The following NUP93 variants were observed in gnomAD, a reference collection of about 807,000 sequenced individuals.
The protein encoded by NUP93 is nuclear pore complex protein Nup93.
Under a neutral mutation model 107.8 loss-of-function variants are expected in NUP93, and 55 were observed. The ratio of observed to expected loss-of-function variants is 0.51; its 90% CI spans 0.41 to 0.64. The LOEUF is 0.64. NUP93 is among the 30% of genes least tolerant of loss of function. The pLI, the probability that NUP93 is intolerant of heterozygous loss-of-function variation, is 0.00. For missense variants in NUP93, 937 were observed against 1,044.7 expected (o/e 0.90, Z 1.42); for synonymous variants, 390 against 397.5 (o/e 0.98, Z 0.22).
intron 5 of NUP93, among the ~76,000 whole-genome samples, chr16:56,817,990 A>G (rs530879983): frequency 6.6e-6 from 1 of 152,258 alleles, no homozygotes; most frequent in South Asian, 2.1e-4. Context: ...ATATGACTGT[A>G]TTTTTATTGC....
chr16:56,834,211 T>C lies in NUP93; in HGVS notation c.1621T>C (p.Ser541Pro). 6.2e-7 allele frequency: 1 copy of C among 1,614,154 alleles called. No homozygotes were observed. The highest frequency in any genetic ancestry group is 8.5e-7 in the Non-Finnish European group (1 of 1,180,026). ...CATGCTGTACACCCGGAAGTTTGAGTCCACGGACCCAAGGGAGGCCCTCCA... is the reference window on the plus strand; with the variant it reads ...CATGCTGTACACCCGGAAGTTTGAGCCCACGGACCCAAGGGAGGCCCTCCA... The part of the protein sequence containing the change: ...LLMLYTRKFE[S>P]TDPREALQYF... The change falls in exon 14 of 22, where the codon TCC (serine) becomes CCC (proline). Residue 541 changes from serine (S) to proline (P), a missense_variant. By Grantham distance (74) the Ser-to-Pro change is moderately conservative (BLOSUM62 -1). Transcript: ENST00000308159.
intron 4 of NUP93, among the ~76,000 whole-genome samples, chr16:56,799,052 G>C (rs1477222066): frequency 2.0e-5 from 3 of 152,104 alleles, no homozygotes; most frequent in Non-Finnish European, 2.9e-5. Flanking sequence ...AAATGCATCT[G>C]AGACACTGGA....
At chr16:56,775,777 G>A (rs954898243) in intron 3 of NUP93, among the ~76,000 whole-genome samples, 4 of 152,156 alleles carry the variant, frequency 2.6e-5, no homozygotes, top group East Asian at 3.8e-4. Flanking sequence ...CAGGTATAGC[G>A]ATGAAAGCCC....
intron 4 of NUP93, among the ~76,000 whole-genome samples, chr16:56,801,992 T>C (rs34094607): frequency 6.6e-6 from 1 of 152,304 alleles, no homozygotes; most frequent in South Asian, 2.1e-4. Context: ...TTTTCTTTAA[T>C]TGCCTTTGCT....
intron 2 of NUP93, among the ~76,000 whole-genome samples, chr16:56,750,306 T>C (rs1961895347): frequency 6.6e-6 from 1 of 152,172 alleles, no homozygotes; most frequent in Non-Finnish European, 1.5e-5. Flanking sequence ...ATCTTCTTGA[T>C]AGGCAGAGAC....
At chr16:56,756,729 CA>C (rs1962031020) in intron 2 of NUP93, among the ~76,000 whole-genome samples, 1 of 152,190 alleles carries the variant, frequency 6.6e-6, no homozygotes, top group Non-Finnish European at 1.5e-5. Context: ...CTGTCTTCCA[CA>C]GTGGTTGAAT....
At chr16:56,733,066 G>A (rs145731697) in intron 1 of NUP93, among the ~76,000 whole-genome samples, 3 of 152,300 alleles carry the variant, frequency 2.0e-5, no homozygotes, top group Admixed American at 6.5e-5. Context: ...AGATAGGGTT[G>A]GGGATGTGTT....
At chr16:56,809,065 T>C (rs1164321449) in intron 5 of NUP93, among the ~76,000 whole-genome samples, 1 of 152,136 alleles carries the variant, frequency 6.6e-6, no homozygotes, top group Non-Finnish European at 1.5e-5. Context: ...CTGTTCTGCA[T>C]TTTTTCTTTT....
chr16:56,790,506 G>A (rs1962736905), intron 3 of NUP93, among the ~76,000 whole-genome samples: 1 of 152,146 alleles, frequency 6.6e-6, no homozygotes, highest in Admixed American at 6.6e-5. Context: ...GGCTCTCCAG[G>A]TACTGGTAGG....
rs1196511215 is a variant in NUP93, at chr16:56,849,153, T to C, written c.*4544T>C. 1 of 152,148 alleles carries C rather than the reference T, an allele frequency of 6.6e-6. No individual in the cohort carries two copies. Among genetic ancestry groups the C allele is most frequent in the African/African-American group, 2.4e-5 (1 of 41,424 alleles). 9.4% of individuals were successfully genotyped at this position (152,148 alleles called of 1,614,324 possible). A position where few individuals can be genotyped will look rare whatever the true frequency, so the allele number is the denominator to read the frequency against. On this transcript the variant is annotated 3_prime_UTR_variant, in exon 22 of 22. Coordinates refer to ENST00000308159, the MANE Select transcript of NUP93 (RefSeq NM_014669.5). ...TAGATTCAGACTCCGTGATTCACCGTGGGGGCCCTTAATAGGCATTCAGTC... is the reference window on the plus strand; with the variant it reads ...TAGATTCAGACTCCGTGATTCACCGCGGGGGCCCTTAATAGGCATTCAGTC...
intron 3 of NUP93, among the ~76,000 whole-genome samples, chr16:56,776,237 T>C (rs929303418): frequency 6.6e-6 from 1 of 152,152 alleles, no homozygotes; most frequent in African/African-American, 2.4e-5. Flanking sequence ...TTTCCCCCCT[T>C]GTTTAAATCG....
At chr16:56,837,482 G>C in intron 17 of NUP93, 126 bp from the exon 18 acceptor site, 1 of 696,918 alleles carries the variant, frequency 1.4e-6, no homozygotes, top group Non-Finnish European at 2.5e-6. Flanking sequence ...AGAATTGCTT[G>C]AACTTGGGAG....
chr16:56,740,241 C>G (rs1440007629), intron 1 of NUP93, among the ~76,000 whole-genome samples: 13 of 127,398 alleles, frequency 1.0e-4, no homozygotes. Context: ...GGGCAGCTGC[C>G]GGGCGGAGGG....
At chr16:56,731,906 A>T (rs1961541530) in intron 1 of NUP93, among the ~76,000 whole-genome samples, 1 of 152,114 alleles carries the variant, frequency 6.6e-6, no homozygotes, top group South Asian at 2.1e-4. Flanking sequence ...AGAAAAAAAA[A>T]ACCCTCCAAT....
chr16:56,841,452 CT>C (rs1484059270), intron 20 of NUP93, among the ~76,000 whole-genome samples: 1 of 152,234 alleles, frequency 6.6e-6, no homozygotes, highest in Admixed American at 6.5e-5. Context: ...CTCACTGCCC[CT>C]GACTAAGGGA....
chr16:56,791,651 C>G (rs1441564362), intron 3 of NUP93, among the ~76,000 whole-genome samples: 7 of 152,204 alleles, frequency 4.6e-5, no homozygotes, highest in African/African-American at 1.7e-4. Context: ...TGACCTGAGC[C>G]ATTTAAGATC....
chr16:56,758,694 A>G (rs1366144006), intron 3 of NUP93, 39 bp downstream of exon 3: 1 of 1,449,186 alleles, frequency 6.9e-7, no homozygotes, highest in Non-Finnish European at 9.7e-7. Flanking sequence ...CAGAGCATAT[A>G]ACCCAGGCTG....
intron 2 of NUP93, among the ~76,000 whole-genome samples, chr16:56,755,908 C>A (rs900989343): frequency 1.3e-5 from 2 of 152,080 alleles, no homozygotes; most frequent in Admixed American, 6.6e-5. Flanking sequence ...AAATTGTATA[C>A]TTTAAATGAT....
At chr16:56,740,655 T>TTTGGG in intron 1 of NUP93, 1 of 216,612 alleles carries the variant, frequency 4.6e-6, no homozygotes. Flanking sequence ...ATCTTGGCAC[T>TTTGGG]TTGGGAGGCC....
Sources: allele counts gnomAD v4.1 joint callset (sites outside exome capture counted in the v4.1 genomes callset), GRCh38; gene constraint gnomAD v4.1.1; transcripts MANE v1.5; gene names NCBI Gene and HGNC (gene_info 2026-07-23, HGNC 2026-07-21).